The following PKHD1 variants were observed in gnomAD, a reference collection of about 807,000 sequenced individuals.
PKHD1 encodes fibrocystin.
In PKHD1, 291 loss-of-function variants were observed where a neutral mutation model predicts 412.0. That is an observed-to-expected ratio of 0.71 (90% CI 0.64 to 0.78). The LOEUF is 0.78. Ranked by LOEUF, PKHD1 falls within the 30% of genes least tolerant of loss-of-function variation. PKHD1 has a pLI of 0.00. For synonymous variants in PKHD1, 1,777 were observed against 1,821.5 expected, an observed-to-expected ratio of 0.98 and a Z score of 0.62; for missense variants, 4,825 against 4,950.7, an observed-to-expected ratio of 0.97 and a Z score of 0.76.
intron 60 of PKHD1, among the ~76,000 whole-genome samples, chr6:51,696,744 C>G: frequency 6.6e-6 from 1 of 152,048 alleles, no homozygotes; most frequent in East Asian, 1.9e-4. Context: ...TGGGATAGAG[C>G]CCCAGCTGAT....
intron 50 of PKHD1, among the ~76,000 whole-genome samples, chr6:51,845,137 A>G (rs1162375532): frequency 2.0e-5 from 3 of 152,242 alleles, no homozygotes; most frequent in African/African-American, 7.2e-5. Context: ...GGGTACCAAC[A>G]ACAGCAACTA....
chr6:51,868,243 G>A (rs1775403834), intron 47 of PKHD1, 134 bp from the exon 48 acceptor site: 2 of 827,496 alleles, frequency 2.4e-6, no homozygotes. Context: ...AAGAAAAAAA[G>A]TGTTTTCTGT....
intron 57 of PKHD1, among the ~76,000 whole-genome samples, chr6:51,749,581 C>T (rs1212269583): frequency 6.6e-6 from 1 of 151,936 alleles, no homozygotes; most frequent in East Asian, 1.9e-4. Flanking sequence ...TTGCAGACAC[C>T]GTTCTAATTC....
At chr6:51,667,437 G>A (rs1467378126) in intron 60 of PKHD1, among the ~76,000 whole-genome samples, 2,273 of 105,694 alleles carry the variant, frequency 0.022, no homozygotes, top group South Asian at 0.029. Flanking sequence ...TGTAGATTCT[G>A]GATATTAGCC....
chr6:51,767,093 GTCT>G (rs1169565003), intron 55 of PKHD1, among the ~76,000 whole-genome samples: 2 of 151,898 alleles, frequency 1.3e-5, no homozygotes, highest in Non-Finnish European at 2.9e-5. Flanking sequence ...ATTCCAGCCT[GTCT>G]TCAACTAAAT....
In PKHD1 at chr6:52,017,511, C is replaced by T. The variant is rs557919334; in HGVS notation, c.5499G>A (p.Ser1833=). ...VAMATEQLLE[S]WPYLYICEES... is the part of the protein sequence containing the mutation. The stretch of plus-strand genomic sequence containing the variant: ...CCTCGCAAATGTAGAGGTAAGGCCA[C>T]GATTCAAGCAGTTGCTCTGTCGCCA... Residue 1833 remains serine (S), a synonymous_variant, in exon 34 of 67, where the codon TCG becomes TCA. Transcript: ENST00000371117. The T allele has an allele frequency of 1.3e-5, 21 of 1,613,774 alleles. No individual in the cohort carries two copies. Among genetic ancestry groups the T allele is most frequent in the Middle Eastern group, 1.6e-4 (1 of 6,082 alleles).
At chr6:52,084,736 T>C in intron 2 of PKHD1, 146 bp downstream of exon 2, 1 of 720,790 alleles carries the variant, frequency 1.4e-6, no homozygotes, top group Non-Finnish European at 2.6e-6. Flanking sequence ...GAAAACAGTA[T>C]TTTTAACTCA....
Position 51,868,083 on chromosome 6 carries a change from A to G in PKHD1, c.7513T>C (p.Leu2505=). The G allele has an allele frequency of 6.2e-7, 1 of 1,612,058 alleles. No homozygotes were observed. The highest frequency in any genetic ancestry group is 1.3e-5 in the African/African-American group (1 of 75,014). The change falls in exon 48 of 67, where the codon TTG becomes CTG. Residue 2505 remains leucine (L), a synonymous_variant. Coordinates refer to ENST00000371117, the MANE Select transcript of PKHD1 (RefSeq NM_138694.4). ...AAGTTTGAAGAGTTTGTAAACTTCA[A>G]CTGGCTGGTCTTCACAGTAAATCCA... ...QGGFTVKTSQ[L]KFTNSSNLVA...
intron 37 of PKHD1, among the ~76,000 whole-genome samples, chr6:51,932,675 C>T (rs1786827618): frequency 6.6e-6 from 1 of 152,144 alleles, no homozygotes; most frequent in South Asian, 2.1e-4. Context: ...GTAAAAAGGT[C>T]CCCTTGGAAG....
chr6:52,026,260 G>A, intron 31 of PKHD1, 79 bp from the exon 32 acceptor site: 1 of 1,362,964 alleles, frequency 7.3e-7, no homozygotes, highest in Non-Finnish European at 1.0e-6. Context: ...GGAAGTCCTA[G>A]GTCAATTAAG....
intron 58 of PKHD1, among the ~76,000 whole-genome samples, chr6:51,747,326 A>AACTTCAGATGAGACG (rs1785326336): frequency 1.3e-5 from 2 of 151,950 alleles, no homozygotes; most frequent in African/African-American, 2.4e-5. Flanking sequence ...CAGATGAGAC[A>AACTTCAGATGAGACG]CAACTTCTAC....
rs1433997195 is a variant in PKHD1 at position 51,943,522 on chromosome 6, CACAGCTGATA to C, written c.5909-9210_5909-9201del. Among the ~76,000 whole-genome samples the C allele has an allele frequency of 9.2e-5, 14 of 151,594 alleles. 1 individual carries two copies. The highest frequency in any genetic ancestry group is 3.1e-4 in the African/African-American group (13 of 41,374). Reference sequence around the variant, plus strand: ...GGTTTACACTGTTTCTCCAAGCCATCACAGCTGATATCTCCTGGTGCTATCCCCAAACCAC... The same window carrying C: ...GGTTTACACTGTTTCTCCAAGCCATCTCTCCTGGTGCTATCCCCAAACCAC... On this transcript the variant is annotated intron_variant, in intron 36 of 66. Transcript: ENST00000371117.
chr6:51,874,084 C>T lies in PKHD1; in HGVS notation c.7351-3445G>A, dbSNP rs1252834382. Among the ~76,000 whole-genome samples, 3 of 152,156 alleles carry T rather than the reference C, an allele frequency of 2.0e-5. 1 individual carries two copies. Among genetic ancestry groups the T allele is most frequent in the African/African-American group, 7.2e-5 (3 of 41,530 alleles). Reference sequence around the variant, plus strand: ...GATGAAAGGTCTAAATTGAAGAAGACAAATCCACAAGTGAAAATGGGAAAT... The same window carrying T: ...GATGAAAGGTCTAAATTGAAGAAGATAAATCCACAAGTGAAAATGGGAAAT... On this transcript the variant is annotated intron_variant, in intron 46 of 66. Coordinates refer to ENST00000371117, the MANE Select transcript of PKHD1 (RefSeq NM_138694.4).
chr6:51,715,000 G>A (rs1338249947), intron 60 of PKHD1, among the ~76,000 whole-genome samples: 1 of 151,234 alleles, frequency 6.6e-6, no homozygotes, highest in African/African-American at 2.4e-5. Flanking sequence ...ATAAAATATT[G>A]GAAATAATTA....
chr6:52,023,865 G>T (rs1391041606), intron 32 of PKHD1, among the ~76,000 whole-genome samples: 2 of 152,130 alleles, frequency 1.3e-5, no homozygotes, highest in African/African-American at 2.4e-5. Flanking sequence ...CCAAATCCTA[G>T]TCCCCACAGT....
At chr6:51,799,159 C>CCACACA (rs3062503) in intron 52 of PKHD1, among the ~76,000 whole-genome samples, 2 of 150,848 alleles carry the variant, frequency 1.3e-5, no homozygotes, top group African/African-American at 2.4e-5. Flanking sequence ...AAAATTAACA[C>CCACACA]CACACACACA....
intron 60 of PKHD1, among the ~76,000 whole-genome samples, chr6:51,694,558 T>TTC (rs1249119467): frequency 7.4e-6 from 1 of 135,978 alleles, no homozygotes; most frequent in Non-Finnish European, 1.6e-5. Context: ...CTTTTTTTTT[T>TTC]TTTTTTTTTT....
chr6:51,906,690 T>C (rs940592932), intron 40 of PKHD1, among the ~76,000 whole-genome samples: 3 of 152,154 alleles, frequency 2.0e-5, no homozygotes, highest in Non-Finnish European at 4.4e-5. Context: ...AAGTTAAGGA[T>C]AACGTGAAGA....
intron 60 of PKHD1, among the ~76,000 whole-genome samples, chr6:51,727,589 C>T (rs1782733526): frequency 6.6e-6 from 1 of 152,180 alleles, no homozygotes; most frequent in Non-Finnish European, 1.5e-5. Context: ...GGGTGGTCTG[C>T]CCACATATGC....
Sources: allele counts gnomAD v4.1 joint callset (sites outside exome capture counted in the v4.1 genomes callset), GRCh38; gene constraint gnomAD v4.1.1; transcripts MANE v1.5; gene names NCBI Gene and HGNC (gene_info 2026-07-23, HGNC 2026-07-21).